Variants in TPRG1 observed in about 807,000 individuals in gnomAD.
TPRG1 encodes tumor protein p63 regulated 1, also known as tumor protein p63-regulated gene 1 protein.
In TPRG1, 29 loss-of-function variants were observed where a neutral mutation model predicts 29.3. The ratio of observed to expected loss-of-function variants is 0.99; its 90% CI spans 0.74 to 1.35. The LOEUF (loss-of-function observed/expected upper bound fraction) is 1.35. Ranked by LOEUF, TPRG1 falls within the 40% of genes most tolerant of loss-of-function variation. The pLI is 0.00. For missense variants in TPRG1, 327 were observed against 335.0 expected (o/e 0.98, Z 0.19); for synonymous variants, 130 against 116.8 (o/e 1.11, Z -0.73).
intron 1 of TPRG1, among the ~76,000 whole-genome samples, chr3:189,193,679 C>T (rs1460498491): frequency 1.3e-5 from 2 of 150,300 alleles, no homozygotes; most frequent in African/African-American, 4.9e-5. Context: ...GATTCTTCTG[C>T]TAGATCAAGT....
At chr3:189,143,315 G>T (rs1316349359) in intron 3 of TPRG1, among the ~76,000 whole-genome samples, 1 of 152,214 alleles carries the variant, frequency 6.6e-6, no homozygotes, top group African/African-American at 2.4e-5. Flanking sequence ...TTCTCCGAAT[G>T]ACATCTATAT....
chr3:189,233,159 A>AGTGT (rs1234383998), intron 3 of TPRG1, among the ~76,000 whole-genome samples: 2 of 120,276 alleles, frequency 1.7e-5, no homozygotes, highest in African/African-American at 8.0e-5. Flanking sequence ...ACCTCTACTG[A>AGTGT]GTGTGTATGT....
chr3:189,233,912 C>T (rs755925786), intron 3 of TPRG1, among the ~76,000 whole-genome samples: 29 of 152,096 alleles, frequency 1.9e-4, no homozygotes, highest in Admixed American at 5.2e-4. Flanking sequence ...ATTTTGTACC[C>T]CAGGCTGGAG....
At chr3:189,141,198 T>A (rs1031200161) in intron 3 of TPRG1, among the ~76,000 whole-genome samples, 1 of 152,206 alleles carries the variant, frequency 6.6e-6, no homozygotes, top group African/African-American at 2.4e-5. Context: ...TATACATCTC[T>A]TCTGTAAATC....
At chr3:189,267,512 T>A (rs1455061270) in intron 4 of TPRG1, 1 of 152,196 alleles carries the variant, frequency 6.6e-6, no homozygotes, top group Admixed American at 6.5e-5. Flanking sequence ...CAATCGTTTT[T>A]AGTGGTGGGA....
intron 4 of TPRG1, among the ~76,000 whole-genome samples, chr3:189,033,440 C>T (rs941500248): frequency 5.9e-5 from 9 of 151,992 alleles, no homozygotes; most frequent in African/African-American, 1.7e-4. Flanking sequence ...TGCCACCACG[C>T]CCAGCTAATT....
At chr3:189,208,203 A>C (rs572417168) in intron 2 of TPRG1, among the ~76,000 whole-genome samples, 1 of 152,348 alleles carries the variant, frequency 6.6e-6, no homozygotes, top group East Asian at 1.9e-4. Flanking sequence ...TTTAACTTTT[A>C]GCATTTGATT....
At chr3:189,165,174 A>C (rs1727995957) in intron 5 of TPRG1, among the ~76,000 whole-genome samples, 3 of 152,150 alleles carry the variant, frequency 2.0e-5, no homozygotes, top group Admixed American at 2.0e-4. Flanking sequence ...TTTATATCAT[A>C]CAGTGAGGAG....
chr3:189,127,221 G>A (rs1722590123), intron 2 of TPRG1: 3 of 152,174 alleles, frequency 2.0e-5, no homozygotes, highest in Admixed American at 2.0e-4. Flanking sequence ...GTGAGTAGAA[G>A]GAACTATGGG....
intron 4 of TPRG1, among the ~76,000 whole-genome samples, chr3:189,268,582 C>T (rs985789662): frequency 6.6e-6 from 1 of 152,190 alleles, no homozygotes; most frequent in African/African-American, 2.4e-5. Context: ...CAAAATTTAT[C>T]CTGTACTCAC....
chr3:189,030,749 C>T (rs1713888127), intron 4 of TPRG1, among the ~76,000 whole-genome samples: 1 of 152,132 alleles, frequency 6.6e-6, no homozygotes, highest in African/African-American at 2.4e-5. Context: ...CATGGCAGAT[C>T]ACCATATGTC....
chr3:189,210,821 A>G (rs1402024957), intron 2 of TPRG1, among the ~76,000 whole-genome samples: 1 of 152,218 alleles, frequency 6.6e-6, no homozygotes, highest in Non-Finnish European at 1.5e-5. Context: ...TTTCCAATTT[A>G]TAATTAGATT....
chr3:189,060,162 G>C (rs1196123403), intron 4 of TPRG1, among the ~76,000 whole-genome samples: 1 of 152,290 alleles, frequency 6.6e-6, no homozygotes, highest in Admixed American at 6.5e-5. Flanking sequence ...AACCTGGGAG[G>C]CAGAGGTTGT....
intron 1 of TPRG1, among the ~76,000 whole-genome samples, chr3:189,189,947 A>G (rs1731456542): frequency 6.6e-6 from 1 of 152,246 alleles, no homozygotes. Flanking sequence ...AATATGAAGT[A>G]GAAATAGATC....
intron 3 of TPRG1, among the ~76,000 whole-genome samples, chr3:189,017,762 G>C (rs1424198466): frequency 6.6e-6 from 1 of 152,140 alleles, no homozygotes; most frequent in East Asian, 1.9e-4. Context: ...GGATGGCTGG[G>C]TCAAATGGTA....
chr3:189,121,437 A>G (rs1721817026), intron 1 of TPRG1: 1 of 152,142 alleles, frequency 6.6e-6, no homozygotes, highest in Admixed American at 6.5e-5. Flanking sequence ...TCTCTTTTTT[A>G]TGTTGAATTT....
At chr3:189,148,678 C>G (rs540413987) in intron 4 of TPRG1, among the ~76,000 whole-genome samples, 4 of 152,186 alleles carry the variant, frequency 2.6e-5, no homozygotes, top group African/African-American at 9.7e-5. Context: ...GGCAATGAAT[C>G]GGCTCTAGAT....
chr3:189,246,023 C>T (rs556354662), intron 4 of TPRG1, among the ~76,000 whole-genome samples: 4 of 152,020 alleles, frequency 2.6e-5, no homozygotes, highest in South Asian at 2.1e-4. Flanking sequence ...ATGATTTGGC[C>T]GTGTCCTCAC....
In TPRG1 at chr3:189,320,995, C is replaced by A; in HGVS notation, c.*175C>A. 1 of 498,498 alleles carries A rather than the reference C, an allele frequency of 2.0e-6. No homozygotes were observed. Among genetic ancestry groups the A allele is most frequent in the Non-Finnish European group, 3.4e-6 (1 of 295,076 alleles). The allele number at this position is 498,498 out of a possible 1,614,324, so 30.9% of individuals were successfully genotyped here. On this transcript the variant is annotated 3_prime_UTR_variant, in exon 6 of 6. Coordinates refer to ENST00000345063, the MANE Select transcript of TPRG1 (RefSeq NM_198485.4). ...GCTTGATTGGACTGATAGATACACA[C>A]TTTAGACCTCATACAAGAATAATCA...
Sources: gnomAD v4.1 joint callset for allele counts (sites outside exome capture counted in the v4.1 genomes callset) on GRCh38, gnomAD v4.1.1 for gene constraint, MANE v1.5 for transcripts, NCBI Gene and HGNC (gene_info 2026-07-23, HGNC 2026-07-21) for gene names.